The following ERC2 variants were observed in gnomAD, a reference collection of about 807,000 sequenced individuals.
ERC2 encodes ELKS/RAB6-interacting/CAST family member 2.
In ERC2, 42 loss-of-function variants were observed where a neutral mutation model predicts 114.8. The ratio of observed to expected loss-of-function variants is 0.37; its 90% CI spans 0.29 to 0.47. The LOEUF is 0.47. Ranked by LOEUF, ERC2 falls within the 20% of genes least tolerant of loss-of-function variation. ERC2 has a pLI of 0.99. For missense variants in ERC2, 939 were observed against 1,150.7 expected (o/e 0.82, Z 2.66); for synonymous variants, 454 against 425.5 (o/e 1.07, Z -0.82).
chr3:55,611,561 A>T (rs1471970720), intron 17 of ERC2, among the ~76,000 whole-genome samples: 1 of 152,156 alleles, frequency 6.6e-6, no homozygotes, highest in East Asian at 1.9e-4. Flanking sequence ...GGAGAGATGG[A>T]GAGGCCTATT....
At chr3:56,183,430 G>A (rs2083403357) in intron 3 of ERC2, among the ~76,000 whole-genome samples, 1 of 152,176 alleles carries the variant, frequency 6.6e-6, no homozygotes, top group Non-Finnish European at 1.5e-5. Context: ...TCATCGCGTA[G>A]AGAGGTTGGG....
intron 2 of ERC2, among the ~76,000 whole-genome samples, chr3:56,383,110 C>T (rs1415035578): frequency 6.6e-6 from 1 of 152,062 alleles, no homozygotes; most frequent in Admixed American, 6.6e-5. Flanking sequence ...CACTTCTCAC[C>T]ACCTGCACTG....
chr3:55,783,215 C>A (rs1019288921), intron 14 of ERC2, among the ~76,000 whole-genome samples: 2 of 152,182 alleles, frequency 1.3e-5, no homozygotes, highest in African/African-American at 4.8e-5. Context: ...AGGAAGTGTG[C>A]ACAGTACTAA....
At chr3:56,279,619 G>C (rs560486112) in intron 3 of ERC2, among the ~76,000 whole-genome samples, 2 of 152,354 alleles carry the variant, frequency 1.3e-5, no homozygotes, top group Admixed American at 6.5e-5. Context: ...GTGGAAAAAT[G>C]TAGGCAGGGG....
chr3:55,871,551 G>GA (rs2062584235), intron 14 of ERC2, among the ~76,000 whole-genome samples: 2 of 152,302 alleles, frequency 1.3e-5, no homozygotes, highest in South Asian at 4.1e-4. Context: ...TCTGAAAGTT[G>GA]TTTCTTCAAA....
At chr3:56,156,347 A>G (rs1014891868) in intron 4 of ERC2, among the ~76,000 whole-genome samples, 1 of 152,166 alleles carries the variant, frequency 6.6e-6, no homozygotes, top group African/African-American at 2.4e-5. Context: ...TTGTGTTGCC[A>G]TAATTGGAAA....
At chr3:56,023,900 AAAG>A (rs1354551782) in intron 7 of ERC2, among the ~76,000 whole-genome samples, 1 of 152,212 alleles carries the variant, frequency 6.6e-6, no homozygotes, top group Non-Finnish European at 1.5e-5. Flanking sequence ...ACAAAGAAGT[AAAG>A]AAGTAATAAA....
At chr3:55,914,017 C>CA (rs1046615804) in intron 13 of ERC2, among the ~76,000 whole-genome samples, 15 of 95,524 alleles carry the variant, frequency 1.6e-4, no homozygotes, top group Admixed American at 4.0e-4. Flanking sequence ...CCCTTTATGA[C>CA]AATTTTTTTT....
At chr3:55,636,193 A>G (rs1397588260) in intron 17 of ERC2, among the ~76,000 whole-genome samples, 1 of 152,212 alleles carries the variant, frequency 6.6e-6, no homozygotes, top group Non-Finnish European at 1.5e-5. Context: ...GAGATTTATA[A>G]AAATGTATTT....
chr3:55,768,670 T>A (rs1252776965), intron 14 of ERC2, among the ~76,000 whole-genome samples: 1 of 151,870 alleles, frequency 6.6e-6, no homozygotes, highest in Non-Finnish European at 1.5e-5. Flanking sequence ...GCAGACCAGA[T>A]GGGAGAACGC....
Position 56,067,788 on chromosome 3 carries a change from T to C in ERC2, c.1641+13029A>G, listed in dbSNP as rs141248978. Among the ~76,000 whole-genome samples the C allele has an allele frequency of 5.2e-3, 786 of 152,348 alleles. 2 individuals are homozygous for C. The highest frequency in any genetic ancestry group is 8.1e-3 in the Non-Finnish European group (552 of 68,036). On this transcript the variant is annotated intron_variant, in intron 7 of 17. Coordinates refer to ENST00000288221, the MANE Select transcript of ERC2 (RefSeq NM_015576.3). Reference sequence around the variant, plus strand: ...TTATCAAAGGCCTTTTCTGCATCTATTGAGATAATCACGTGGTTTTTGTCA... The same window carrying C: ...TTATCAAAGGCCTTTTCTGCATCTACTGAGATAATCACGTGGTTTTTGTCA...
At chr3:56,109,213 G>A (rs529353743) in intron 6 of ERC2, among the ~76,000 whole-genome samples, 30 of 151,916 alleles carry the variant, frequency 2.0e-4, no homozygotes, top group Non-Finnish European at 3.5e-4. Context: ...CAGCATCTGC[G>A]GTTCCCCTCT....
chr3:56,266,034 AT>A (rs1211540291), intron 3 of ERC2, among the ~76,000 whole-genome samples: 23 of 11,090 alleles, frequency 2.1e-3, no homozygotes, highest in Non-Finnish European at 0.013. Flanking sequence ...GACCAAAAAA[AT>A]AAAATAAAAT....
At chr3:55,544,475 A>T (rs998119395) in intron 17 of ERC2, among the ~76,000 whole-genome samples, 5 of 151,992 alleles carry the variant, frequency 3.3e-5, no homozygotes, top group Admixed American at 3.3e-4. Context: ...CCACCTAAGA[A>T]GTTCTCCACC....
chr3:56,044,207 G>A (rs1480903637), intron 7 of ERC2, among the ~76,000 whole-genome samples: 1 of 152,150 alleles, frequency 6.6e-6, no homozygotes, highest in Non-Finnish European at 1.5e-5. Context: ...CTGTCTGAAA[G>A]AATTATTTAA....
intron 14 of ERC2, among the ~76,000 whole-genome samples, chr3:55,859,546 A>C (rs2061936827): frequency 6.6e-6 from 1 of 152,016 alleles, no homozygotes; most frequent in Non-Finnish European, 1.5e-5. Context: ...TTCATGATGC[A>C]TTGGCTCAGG....
chr3:56,296,455 G>A lies in ERC2; in HGVS notation c.658-20C>T, dbSNP rs765597374. The A allele has an allele frequency of 6.3e-7, 1 of 1,586,186 alleles. No individual in the cohort carries two copies. On this transcript the variant is annotated intron_variant, in intron 2 of 17. Transcript: ENST00000288221. ...TAGGTGCTGCAATGAGAAAGATGGA[G>A]CGGGAGAGGAGAAAGAAGGAAAAAA...
At chr3:55,938,346 G>GC (rs983376769) in intron 13 of ERC2, among the ~76,000 whole-genome samples, 2 of 149,906 alleles carry the variant, frequency 1.3e-5, no homozygotes, top group African/African-American at 2.5e-5. Flanking sequence ...AGACTTCATA[G>GC]CTAACTATGA....
chr3:56,014,192 T>C (rs1017487222), intron 8 of ERC2, among the ~76,000 whole-genome samples: 7 of 152,218 alleles, frequency 4.6e-5, no homozygotes, highest in Non-Finnish European at 1.0e-4. Flanking sequence ...TTGAGCATCA[T>C]AATTTTTAAA....
Sources: gnomAD v4.1 joint callset for allele counts (sites outside exome capture counted in the v4.1 genomes callset) on GRCh38, gnomAD v4.1.1 for gene constraint, MANE v1.5 for transcripts, NCBI Gene and HGNC (gene_info 2026-07-23, HGNC 2026-07-21) for gene names.